PRPF8: variants seen among roughly 807,000 people sequenced by gnomAD.
PRPF8 encodes pre-mRNA-processing-splicing factor 8.
Under a neutral mutation model 285.9 loss-of-function variants are expected in PRPF8, and 64 were observed. The ratio of observed to expected loss-of-function variants is 0.22; its 90% confidence interval spans 0.18 to 0.28. The LOEUF (loss-of-function observed/expected upper bound fraction) is 0.28, where lower values mean the gene tolerates loss of function less well. Among genes scored for constraint, PRPF8 ranks in the 10% least tolerant of loss-of-function variants. The pLI, the probability that PRPF8 is intolerant of heterozygous loss-of-function variation, is 1.00. For missense variants in PRPF8, 1,426 were observed against 3,026.7 expected, an observed-to-expected ratio of 0.47 and a Z score of 12.41; for synonymous variants, 1,325 against 1,118.2, an observed-to-expected ratio of 1.18 and a Z score of -3.69.
chr17:1,678,519 G>A lies in PRPF8; in HGVS notation c.1853C>T (p.Thr618Met). The A allele has an allele frequency of 6.2e-7, 1 of 1,614,170 alleles. No individual in the cohort carries two copies. ...LKHLIYYRFN[T>M]GPVGKGPGCG... ...AAGTCAGTAAAGTCAAGGTCTCACC[G>A]TGTTGAAACGATAATAGATGAGATG... Residue 618 changes from threonine to methionine, a missense_variant and splice_region_variant, in exon 13 of 43, where the codon ACG (threonine) becomes ATG (methionine). Thr to Met is a moderately conservative substitution (Grantham distance 81). Coordinates refer to ENST00000304992, the MANE Select transcript of PRPF8 (RefSeq NM_006445.4).
intron 1 of PRPF8, 38 bp from the exon 2 acceptor site, chr17:1,684,620 G>A (rs1913139114): frequency 1.9e-6 from 3 of 1,591,680 alleles, no homozygotes; most frequent in Middle Eastern, 1.7e-4. Flanking sequence ...ACTAACCACA[G>A]GCCCGGGCCC....
chr17:1,658,215 C>T lies in PRPF8; in HGVS notation c.5505+38G>A, dbSNP rs1169586638. On this transcript the variant is annotated intron_variant, in intron 34 of 42. Coordinates refer to ENST00000304992, the MANE Select transcript of PRPF8 (RefSeq NM_006445.4). This position sits in a 1 kb window ranked among gnomAD's most constrained non-coding sequence, Gnocchi z 4.1. Reference sequence around the variant, plus strand: ...AGTCCACCCCAAGAATAAGAGGCAACATGGTTCTACAGCCTCTTCATCTTT... The same window carrying T: ...AGTCCACCCCAAGAATAAGAGGCAATATGGTTCTACAGCCTCTTCATCTTT... 1 of 1,613,638 alleles carries T rather than the reference C, an allele frequency of 6.2e-7. No individual in the cohort carries two copies. The highest frequency in any genetic ancestry group is 2.2e-5 in the East Asian group (1 of 44,878).
intron 21 of PRPF8, among the ~76,000 whole-genome samples, chr17:1,674,187 T>C (rs1299773534): frequency 6.6e-6 from 1 of 152,148 alleles, no homozygotes; most frequent in African/African-American, 2.4e-5. Flanking sequence ...CACGCCCAGC[T>C]AATTTTTTGT....
intron 12 of PRPF8, 21 bp from the exon 13 acceptor site, chr17:1,678,673 C>G (rs1409927455): frequency 6.2e-7 from 1 of 1,614,188 alleles, no homozygotes; most frequent in Admixed American, 1.7e-5. Flanking sequence ...ATTGCCCCAT[C>G]AGACCTGGAG....
At chr17:1,668,910 T>C (rs1291351393) in intron 24 of PRPF8, among the ~76,000 whole-genome samples, 1 of 151,976 alleles carries the variant, frequency 6.6e-6, no homozygotes, top group Non-Finnish European at 1.5e-5. Context: ...ACCATGAAAT[T>C]CACTATGCAC....
Position 1,655,332 on chromosome 17 carries a change from C to T in PRPF8, c.5987+18G>A. 1 of 1,612,478 alleles carries T rather than the reference C, an allele frequency of 6.2e-7. No individual in the cohort carries two copies. The highest frequency in any genetic ancestry group is 8.5e-7 in the Non-Finnish European group (1 of 1,179,946). ...CGTATATAGACCTCCTGTCTGTGTC[C>T]CCACCAGCACTGCTCACTTGTTTTT... is the stretch of plus-strand genomic sequence containing the variant. On this transcript the variant is annotated intron_variant, in intron 37 of 42. Coordinates refer to ENST00000304992, the MANE Select transcript of PRPF8 (RefSeq NM_006445.4).
In PRPF8 at chr17:1,674,736, A is replaced by G. The variant is rs1205213339; in HGVS notation, c.3061-56T>C. On this transcript the variant is annotated intron_variant, in intron 20 of 42. Coordinates refer to ENST00000304992, the MANE Select transcript of PRPF8 (RefSeq NM_006445.4). ...TGTGAGCCATGCCCCAGGATTCTCC[A>G]GAGTTAACCTCTTTTGTTCTCCCCT... 1.9e-6 allele frequency: 3 copies of G among 1,549,214 alleles called. No individual in the cohort carries two copies. The African/African-American group carries it at 4.1e-5, about 21-fold the overall frequency.
intron 5 of PRPF8, 51 bp downstream of exon 5, chr17:1,681,766 CCTT>C (rs1175487104): frequency 1.9e-5 from 30 of 1,610,298 alleles, no homozygotes; most frequent in African/African-American, 1.2e-4. Context: ...TCCCAGGACT[CCTT>C]CTGCATTTCC....
Position 1,651,916 on chromosome 17 carries a change from CCT to C in PRPF8, c.6370-130_6370-129del. On this transcript the variant is annotated intron_variant, in intron 39 of 42. Coordinates refer to ENST00000304992, the MANE Select transcript of PRPF8 (RefSeq NM_006445.4). This position sits in a 1 kb window ranked among gnomAD's most constrained non-coding sequence, Gnocchi z 5.1. ...GTTTCTTAAAACGTGATCAGAACCC[CCT>C]GTATCAGAATCAGCTGGGGTGCTTG... 2.5e-6 allele frequency: 3 copies of C among 1,220,468 alleles called. No homozygotes were observed. Among genetic ancestry groups the C allele is most frequent in the East Asian group, 4.7e-5 (2 of 42,752 alleles). 75.6% of individuals were successfully genotyped at this position (1,220,468 alleles called of 1,614,324 possible).
In PRPF8 at chr17:1,673,022, G is replaced by A; in HGVS notation, c.3774+59C>T. The A allele has an allele frequency of 6.7e-7, 1 of 1,491,316 alleles. No individual in the cohort carries two copies. Among genetic ancestry groups the A allele is most frequent in the African/African-American group, 1.4e-5 (1 of 72,610 alleles). 92.4% of individuals were successfully genotyped at this position (1,491,316 alleles called of 1,614,324 possible). ...CAGCAGGGGACGAAGTGAAAGGGGTGTGAAATGAGCAGAGGACAGCAGAGG... is the reference window on the plus strand; with the variant it reads ...CAGCAGGGGACGAAGTGAAAGGGGTATGAAATGAGCAGAGGACAGCAGAGG... On this transcript the variant is annotated intron_variant, in intron 24 of 42. Coordinates refer to ENST00000304992, the MANE Select transcript of PRPF8 (RefSeq NM_006445.4). This position sits in a 1 kb window ranked among gnomAD's most constrained non-coding sequence, Gnocchi z 5.5.
intron 24 of PRPF8, among the ~76,000 whole-genome samples, chr17:1,671,897 T>TG (rs1912346380): frequency 6.8e-6 from 1 of 146,396 alleles, no homozygotes; most frequent in Non-Finnish European, 1.5e-5. Context: ...CCAGGCATGG[T>TG]GGCGTATGCA....
Position 1,659,598 on chromosome 17 carries a change from T to A in PRPF8, c.4947-50A>T, listed in dbSNP as rs1216215958. The A allele has an allele frequency of 6.2e-7, 1 of 1,605,684 alleles. No homozygotes were observed. The highest frequency in any genetic ancestry group is 1.7e-5 in the Admixed American group (1 of 59,854). ...TCTAAGAAACCATGGGCATAACCAATGTCCCCAGAACCAGAACCACTTAAA... is the reference window on the plus strand; with the variant it reads ...TCTAAGAAACCATGGGCATAACCAAAGTCCCCAGAACCAGAACCACTTAAA... On this transcript the variant is annotated intron_variant, in intron 31 of 42. Coordinates refer to ENST00000304992, the MANE Select transcript of PRPF8 (RefSeq NM_006445.4). The surrounding 1 kb of genome is among the most constrained non-coding windows in gnomAD (Gnocchi z 5.1).
At chr17:1,677,467 G>A (rs1912664870) in intron 14 of PRPF8, 98 bp downstream of exon 14, 1 of 1,560,156 alleles carries the variant, frequency 6.4e-7, no homozygotes, top group African/African-American at 1.4e-5. Flanking sequence ...CAATCCAGTA[G>A]GAAGAGTGCT....
Position 1,680,979 on chromosome 17 carries a change from A to T in PRPF8, c.942T>A (p.Ile314=), listed in dbSNP as rs190602751. Residue 314 remains isoleucine (I), a synonymous_variant, in exon 7 of 43, where the codon ATT becomes ATA. Transcript: ENST00000304992. Reference sequence around the variant, plus strand: ...GATTGTTGTACAAGTAAGGAAAAGCAATCTTGTACTCAGTGCGGATAGGCT... The same window carrying T: ...GATTGTTGTACAAGTAAGGAAAAGCTATCTTGTACTCAGTGCGGATAGGCT... ...IRQPIRTEYK[I]AFPYLYNNLP... 1.2e-6 allele frequency: 2 copies of T among 1,613,602 alleles called. No homozygotes were observed. The highest frequency in any genetic ancestry group is 2.7e-5 in the African/African-American group (2 of 75,020).
Position 1,655,478 on chromosome 17 carries a change from G to A in PRPF8, c.5859C>T (p.Ile1953=), listed in dbSNP as rs1911318974. The A allele has an allele frequency of 4.3e-6, 7 of 1,614,094 alleles. No individual in the cohort carries two copies. Among genetic ancestry groups the A allele is most frequent in the Non-Finnish European group, 5.9e-6 (7 of 1,180,004 alleles). ...LHVNNDRAKV[I]LKPDKTTITE... is the part of the protein sequence containing the mutation. The stretch of plus-strand genomic sequence containing the variant: ...TAATAGTAGTCTTGTCTGGCTTCAG[G>A]ATCACTTTTGCCCGATCGTTGTTCA... Residue 1953 remains isoleucine (I), a synonymous_variant, in exon 37 of 43, where the codon ATC becomes ATT. Coordinates refer to ENST00000304992, the MANE Select transcript of PRPF8 (RefSeq NM_006445.4).
Position 1,661,846 on chromosome 17 carries a change from T to TACCC in PRPF8, c.4022+56_4023-57dup, listed in dbSNP as rs1205535479. The TACCC allele has an allele frequency of 2.8e-5, 46 of 1,614,092 alleles. No homozygotes were observed. In the African/African-American group the frequency reaches 6.1e-4, roughly 22 times the overall value. On this transcript the variant is annotated intron_variant, in intron 25 of 42. Coordinates refer to ENST00000304992, the MANE Select transcript of PRPF8 (RefSeq NM_006445.4). This position sits in a 1 kb window ranked among gnomAD's most constrained non-coding sequence, Gnocchi z 7.3. ...AAAATAAAGCCTAAAACTAAAGAAATACCCACTTCCCTTAGGGCCTGAGCA... is the reference window on the plus strand; with the variant it reads ...AAAATAAAGCCTAAAACTAAAGAAATACCCACCCACTTCCCTTAGGGCCTGAGCA...
At chr17:1,665,648 C>A (rs1911931008) in intron 24 of PRPF8, among the ~76,000 whole-genome samples, 2 of 151,894 alleles carry the variant, frequency 1.3e-5, no homozygotes, top group African/African-American at 4.8e-5. Context: ...TCAAGACCAG[C>A]CTGGCCAAGA....
chr17:1,675,468 C>G lies in PRPF8; in HGVS notation c.2873-129G>C, dbSNP rs1008505822. On this transcript the variant is annotated intron_variant, in intron 19 of 42. Transcript: ENST00000304992. The surrounding 1 kb of genome is among the most constrained non-coding windows in gnomAD (Gnocchi z 6.0). Reference sequence around the variant, plus strand: ...CACGTATTCATTTGGATTGCTTTGACTATGGGCTTTTCCTCAGTTTAACAC... The same window carrying G: ...CACGTATTCATTTGGATTGCTTTGAGTATGGGCTTTTCCTCAGTTTAACAC... The G allele has an allele frequency of 2.8e-6, 4 of 1,452,436 alleles. No individual in the cohort carries two copies. Among genetic ancestry groups the G allele is most frequent in the African/African-American group, 2.8e-5 (2 of 71,310 alleles). The allele number at this position is 1,452,436 out of a possible 1,614,324, so 90.0% of individuals were successfully genotyped here.
chr17:1,664,360 A>C (rs1911839395), intron 24 of PRPF8, among the ~76,000 whole-genome samples: 2 of 152,240 alleles, frequency 1.3e-5, no homozygotes, highest in South Asian at 2.1e-4. Context: ...AAAAAATATC[A>C]CTAAGGATAT....
Sources: gnomAD v4.1 joint callset for allele counts (sites outside exome capture counted in the v4.1 genomes callset) on GRCh38, gnomAD v4.1.1 for gene constraint, Gnocchi (gnomAD v3.1) non-coding constraint, MANE v1.5 for transcripts, NCBI Gene and HGNC (gene_info 2026-07-23, HGNC 2026-07-21) for gene names.